SLCO1A2: variants seen among roughly 807,000 people sequenced by gnomAD.
The protein encoded by SLCO1A2 is solute carrier organic anion transporter family member 1A2, also known as OATP-1.
SLCO1A2 carries 67 observed loss-of-function variants against 69.0 expected under a neutral mutation model. The observed-to-expected ratio is 0.97, with a 90% CI of 0.80 to 1.19. The LOEUF (loss-of-function observed/expected upper bound fraction) is 1.19, where lower values mean the gene tolerates loss of function less well. Ranked by LOEUF, SLCO1A2 falls within the 50% of genes most tolerant of loss-of-function variation. The probability of loss-of-function intolerance (pLI) is 0.00; values close to 1 mark genes in which losing one functional copy is unlikely to be tolerated. For synonymous variants in SLCO1A2, 260 were observed against 265.9 expected (o/e 0.98, Z 0.22); for missense variants, 787 against 793.7 (o/e 0.99, Z 0.10).
chr12:21,316,551 AC>A (rs768262440), intron 3 of SLCO1A2, among the ~76,000 whole-genome samples: 8 of 126,344 alleles, frequency 6.3e-5, no homozygotes, highest in African/African-American at 1.7e-4. Flanking sequence ...CACTGCTGAT[AC>A]TTTTTTTTTT....
chr12:21,303,179 T>C (rs150085287), intron 6 of SLCO1A2, among the ~76,000 whole-genome samples: 14 of 152,212 alleles, frequency 9.2e-5, no homozygotes, highest in African/African-American at 3.1e-4. Flanking sequence ...AATTATGTAG[T>C]TCTTTATTTA....
intron 14 of SLCO1A2, among the ~76,000 whole-genome samples, chr12:21,270,692 A>G (rs1942644889): frequency 6.7e-6 from 1 of 149,660 alleles, no homozygotes; most frequent in Non-Finnish European, 1.5e-5. Context: ...ATGTTTCTAT[A>G]GATTTATAAT....
intron 2 of SLCO1A2, among the ~76,000 whole-genome samples, chr12:21,371,031 T>C (rs1330284787): frequency 1.3e-5 from 2 of 152,214 alleles, no homozygotes; most frequent in Non-Finnish European, 2.9e-5. Context: ...GGCTAACCCA[T>C]ATGCAGAGAG....
intron 12 of SLCO1A2, among the ~76,000 whole-genome samples, chr12:21,280,366 G>T (rs1237781569): frequency 2.0e-5 from 3 of 151,718 alleles, no homozygotes; most frequent in African/African-American, 7.3e-5. Flanking sequence ...GACAGACACA[G>T]AAAATAAAGG....
chr12:21,377,937 G>A (rs1940321346), intron 1 of SLCO1A2, among the ~76,000 whole-genome samples: 1 of 151,974 alleles, frequency 6.6e-6, no homozygotes, highest in Non-Finnish European at 1.5e-5. Context: ...TTTTAAAAAT[G>A]TAAGACAAAG....
intron 1 of SLCO1A2, among the ~76,000 whole-genome samples, chr12:21,393,890 G>C (rs935875613): frequency 2.6e-5 from 4 of 152,124 alleles, no homozygotes; most frequent in African/African-American, 9.7e-5. Flanking sequence ...TAACTACAGA[G>C]GGTTCAAATA....
chr12:21,304,397 A>G (rs769264575), intron 6 of SLCO1A2, 30 bp downstream of exon 6: 12 of 1,564,058 alleles, frequency 7.7e-6, no homozygotes, highest in Non-Finnish European at 1.1e-5. Flanking sequence ...ATTGCCCTGA[A>G]AAGAAGCTAA....
At chr12:21,312,314 A>T (rs1269137097) in intron 4 of SLCO1A2, among the ~76,000 whole-genome samples, 1 of 152,184 alleles carries the variant, frequency 6.6e-6, no homozygotes, top group Non-Finnish European at 1.5e-5. Flanking sequence ...GCAGCTTCCT[A>T]ATCTCTCTTA....
At chr12:21,319,230 A>C in intron 2 of SLCO1A2, 2 of 811,042 alleles carry the variant, frequency 2.5e-6, no homozygotes, top group South Asian at 1.5e-5. Context: ...ACATGTCTTC[A>C]GAGCTACAAT....
chr12:21,376,673 C>A (rs1295190849), intron 1 of SLCO1A2, among the ~76,000 whole-genome samples: 5 of 149,746 alleles, frequency 3.3e-5, no homozygotes, highest in Non-Finnish European at 5.9e-5. Flanking sequence ...AAAAAAAAAA[C>A]AGTTTCACAT....
chr12:21,369,118 A>C (rs1239364419), intron 2 of SLCO1A2, among the ~76,000 whole-genome samples: 3 of 152,190 alleles, frequency 2.0e-5, no homozygotes, highest in Admixed American at 6.5e-5. Context: ...AATTTGATAA[A>C]ATGTAAAAAT....
chr12:21,368,438 T>G (rs553592603), intron 2 of SLCO1A2, among the ~76,000 whole-genome samples: 2 of 151,496 alleles, frequency 1.3e-5, no homozygotes, highest in African/African-American at 4.9e-5. Flanking sequence ...AATGCAATCT[T>G]GTTTAGATCC....
At chr12:21,302,605 G>A (rs1323432798) in intron 6 of SLCO1A2, among the ~76,000 whole-genome samples, 1 of 150,002 alleles carries the variant, frequency 6.7e-6, no homozygotes, top group Non-Finnish European at 1.5e-5. Context: ...AGGCTGGAGT[G>A]CTCACTGCAA....
At chr12:21,313,357 T>C (rs1045655755) in intron 4 of SLCO1A2, among the ~76,000 whole-genome samples, 1 of 152,130 alleles carries the variant, frequency 6.6e-6, no homozygotes, top group Non-Finnish European at 1.5e-5. Context: ...TGCAATAAAG[T>C]GAAATGCAGT....
intron 9 of SLCO1A2, among the ~76,000 whole-genome samples, chr12:21,296,815 T>C (rs1330304169): frequency 3.9e-5 from 6 of 152,198 alleles, no homozygotes; most frequent in South Asian, 2.1e-4. Context: ...CCCCAGGTAT[T>C]TGAAGCTTTC....
At chr12:21,321,969 C>T (rs1363028214) in intron 2 of SLCO1A2, among the ~76,000 whole-genome samples, 1 of 152,080 alleles carries the variant, frequency 6.6e-6, no homozygotes, top group Non-Finnish European at 1.5e-5. Flanking sequence ...TGTTATTTAC[C>T]CCTGTGGCCC....
intron 1 of SLCO1A2, among the ~76,000 whole-genome samples, chr12:21,403,849 TC>T (rs1941779082): frequency 6.6e-6 from 1 of 152,064 alleles, no homozygotes; most frequent in African/African-American, 2.4e-5. Flanking sequence ...TCAGATTTTT[TC>T]TTTCGTGATT....
At chr12:21,288,210 A>G (rs1013339812) in intron 12 of SLCO1A2, among the ~76,000 whole-genome samples, 4 of 152,032 alleles carry the variant, frequency 2.6e-5, no homozygotes, top group Non-Finnish European at 5.9e-5. Flanking sequence ...GGGAGGCCAA[A>G]GCAGATGGAT....
chr12:21,350,467 T>C (rs1377222403), intron 2 of SLCO1A2, among the ~76,000 whole-genome samples: 1 of 151,980 alleles, frequency 6.6e-6, no homozygotes, highest in Non-Finnish European at 1.5e-5. Flanking sequence ...GCATGTTCTT[T>C]AAAAAAAGGC....
Sources: allele counts gnomAD v4.1 joint callset (sites outside exome capture counted in the v4.1 genomes callset), GRCh38; gene constraint gnomAD v4.1.1; transcripts MANE v1.5; gene names NCBI Gene and HGNC (gene_info 2026-07-23, HGNC 2026-07-21).